Variants in WEE1 observed in about 807,000 individuals in gnomAD.
WEE1 encodes the protein WEE1 G2 checkpoint kinase.
WEE1 carries 16 observed loss-of-function variants against 68.8 expected under a neutral mutation model. The ratio of observed to expected loss-of-function variants is 0.23; its 90% confidence interval spans 0.16 to 0.35. WEE1 has a LOEUF of 0.35. Ranked by LOEUF, WEE1 falls within the 10% of genes least tolerant of loss-of-function variation. The pLI, the probability that WEE1 is intolerant of heterozygous loss-of-function variation, is 1.00. For missense variants in WEE1, 651 were observed against 824.1 expected (o/e 0.79, Z 2.57); for synonymous variants, 349 against 318.7 (o/e 1.09, Z -1.01).
chr11:9,585,731 A>G (rs1849692912), intron 8 of WEE1, among the ~76,000 whole-genome samples: 2 of 152,244 alleles, frequency 1.3e-5, no homozygotes, highest in Non-Finnish European at 2.9e-5. Context: ...ATGTTCTCAT[A>G]CACCACTGGT....
intron 8 of WEE1, 140 bp from the exon 9 acceptor site, chr11:9,586,309 T>C: frequency 1.4e-6 from 1 of 692,126 alleles, no homozygotes; most frequent in Non-Finnish European, 2.3e-6. Context: ...CAGTTTATTC[T>C]CTGAATAGGT....
chr11:9,577,420 C>A, intron 5 of WEE1, 157 bp downstream of exon 5: 2 of 886,294 alleles, frequency 2.3e-6, no homozygotes, highest in Non-Finnish European at 3.4e-6. Context: ...GGTTAAAAAC[C>A]TTGTCCTTTC....
At chr11:9,581,378 A>G (rs1219008377) in intron 5 of WEE1, 154 bp from the exon 6 acceptor site, 1 of 636,800 alleles carries the variant, frequency 1.6e-6, no homozygotes, top group Non-Finnish European at 2.6e-6. Flanking sequence ...AAAAAACAAT[A>G]AAATTTTGAT....
At chr11:9,578,719 A>G (rs1190533128) in intron 5 of WEE1, 5 of 152,156 alleles carry the variant, frequency 3.3e-5, no homozygotes, top group Non-Finnish European at 7.3e-5. Flanking sequence ...TCAAATATGT[A>G]GCAACCTACC....
chr11:9,582,756 C>T (rs1294699281), intron 6 of WEE1, among the ~76,000 whole-genome samples: 2 of 151,932 alleles, frequency 1.3e-5, no homozygotes, highest in African/African-American at 2.4e-5. Context: ...TTAGTAGAGA[C>T]GGGTTTCACC....
In WEE1 at chr11:9,576,138, T is replaced by C. The variant is rs1849562632; in HGVS notation, c.782+45T>C. On this transcript the variant is annotated intron_variant, in intron 2 of 10. Coordinates refer to ENST00000450114, the MANE Select transcript of WEE1 (RefSeq NM_003390.4). The surrounding 1 kb of genome is among the most constrained non-coding windows in gnomAD (Gnocchi z 4.3). ...GTTTGGTTCTCCAAATAACCTAAGATTGGTTTGGTATACTTATCAAAATTT... is the reference window on the plus strand; with the variant it reads ...GTTTGGTTCTCCAAATAACCTAAGACTGGTTTGGTATACTTATCAAAATTT... 1 of 1,611,580 alleles carries C rather than the reference T, an allele frequency of 6.2e-7. No individual in the cohort carries two copies. The highest frequency in any genetic ancestry group is 8.5e-7 in the Non-Finnish European group (1 of 1,178,122).
Position 9,589,131 on chromosome 11 carries a change from A to G in WEE1, c.*529A>G. On this transcript the variant is annotated 3_prime_UTR_variant, in exon 11 of 11. Transcript: ENST00000450114. ...CATGGGATGATGATTCTGTGGAGGTATTGCCTTGTGAATTTGCTGCTATTT... is the reference window on the plus strand; with the variant it reads ...CATGGGATGATGATTCTGTGGAGGTGTTGCCTTGTGAATTTGCTGCTATTT... The G allele has an allele frequency of 1.0e-6, 1 of 985,702 alleles. No homozygotes were observed. Among genetic ancestry groups the G allele is most frequent in the Middle Eastern group, 5.2e-4 (1 of 1,914 alleles). 61.1% of individuals were successfully genotyped at this position (985,702 alleles called of 1,614,324 possible).
intron 6 of WEE1, 183 bp from the exon 7 acceptor site, chr11:9,585,075 A>G: frequency 1.7e-6 from 1 of 584,460 alleles, no homozygotes; most frequent in Non-Finnish European, 3.0e-6. Flanking sequence ...AAAAAAACAA[A>G]AAAAATTCCC....
At chr11:9,575,481 C>T in intron 1 of WEE1, 1 of 905,042 alleles carries the variant, frequency 1.1e-6, no homozygotes, top group Non-Finnish European at 1.4e-6. Context: ...CAAAATCCCT[C>T]TGGAAGTGAG....
At chr11:9,579,837 C>T (rs1849605368) in intron 5 of WEE1, 1 of 152,126 alleles carries the variant, frequency 6.6e-6, no homozygotes, top group South Asian at 2.1e-4. Context: ...TTTAAAAACA[C>T]ATTTGACGTT....
In WEE1 at chr11:9,574,016, C is replaced by T. The variant is rs1470356965; in HGVS notation, c.83C>T (p.Ser28Leu). The T allele has an allele frequency of 2.4e-6, 3 of 1,275,320 alleles. No individual in the cohort carries two copies. The highest frequency in any genetic ancestry group is 8.1e-5 in the Admixed American group (2 of 24,794). 79.0% of individuals were successfully genotyped at this position (1,275,320 alleles called of 1,614,324 possible). Residue 28 changes from serine (S) to leucine (L), a missense_variant, in exon 1 of 11, where the codon TCG (serine) becomes TTG (leucine). Coordinates refer to ENST00000450114, the MANE Select transcript of WEE1 (RefSeq NM_003390.4). This position sits in a 1 kb window ranked among gnomAD's most constrained non-coding sequence, Gnocchi z 4.9. ...ACTLRQKLIF[S>L]PCSDCEEEEE... ...ACCTTGCGGCAGAAGCTGATCTTCT[C>T]GCCCTGCAGCGACTGTGAGGAGGAG... is the stretch of plus-strand genomic sequence containing the variant.
In WEE1 at chr11:9,574,416, A is replaced by G; in HGVS notation, c.483A>G (p.Glu161=). Residue 161 remains glutamate (E), a synonymous_variant, in exon 1 of 11, where the codon GAA becomes GAG. Coordinates refer to ENST00000450114, the MANE Select transcript of WEE1 (RefSeq NM_003390.4). The surrounding 1 kb of genome is among the most constrained non-coding windows in gnomAD (Gnocchi z 4.9). ...GTTGCGGGGCGCGCCGGGCGGGCGA[A>G]GGCCGCCGCTCGCCGCGGCCGGACC... is the stretch of plus-strand genomic sequence containing the variant. ...PRGCGARRAG[E]GRRSPRPDHP... is the part of the protein sequence containing the mutation. 2.5e-6 allele frequency: 3 copies of G among 1,215,916 alleles called. No individual in the cohort carries two copies. The highest frequency in any genetic ancestry group is 3.1e-6 in the Non-Finnish European group (3 of 983,508). 75.3% of individuals were successfully genotyped at this position (1,215,916 alleles called of 1,614,324 possible). A position where few individuals can be genotyped will look rare whatever the true frequency, so the allele number is the denominator to read the frequency against.
At chr11:9,578,652 A>G (rs1849589472) in intron 5 of WEE1, 1 of 152,028 alleles carries the variant, frequency 6.6e-6, no homozygotes, top group African/African-American at 2.4e-5. Context: ...TCTCTTTCTC[A>G]CCTTCTTGAT....
Position 9,588,478 on chromosome 11 carries a change from C to G in WEE1, c.1817C>G (p.Ala606Gly). Residue 606 changes from alanine (A) to glycine (G), a missense_variant, in exon 11 of 11, where the codon GCT (alanine) becomes GGT (glycine). Ala to Gly is a moderately conservative substitution (Grantham distance 60). Transcript: ENST00000450114. ...CTCAAGAAAGCACAGATGGCAAAAG[C>G]TGCAGCTGAGGAAAGAGCACTCTTC... ...KELKKAQMAK[A>G]AAEERALFTD... 6.2e-7 allele frequency: 1 copy of G among 1,602,524 alleles called. No individual in the cohort carries two copies. The highest frequency in any genetic ancestry group is 8.5e-7 in the Non-Finnish European group (1 of 1,177,152).
rs1286013565 is a variant in WEE1, at chr11:9,573,899, G to T, written c.-35G>T. ...AGTGTCCTGGACCCCGCAGGCCTCC[G>T]CTCTCCTGTCCTCGGCCCCGTCCCC... On this transcript the variant is annotated 5_prime_UTR_variant, in exon 1 of 11. Transcript: ENST00000450114. The T allele has an allele frequency of 2.4e-5, 30 of 1,228,878 alleles. No individual in the cohort carries two copies. Among genetic ancestry groups the T allele is most frequent in the East Asian group, 6.5e-5 (2 of 30,608 alleles). The allele number at this position is 1,228,878 out of a possible 1,614,324, so 76.1% of individuals were successfully genotyped here.
Position 9,574,666 on chromosome 11 carries a change from C to T in WEE1, c.576+157C>T. 1.8e-6 allele frequency: 2 copies of T among 1,108,418 alleles called. No individual in the cohort carries two copies. The highest frequency in any genetic ancestry group is 2.2e-6 in the Non-Finnish European group (2 of 910,258). The allele number at this position is 1,108,418 out of a possible 1,614,324, so 68.7% of individuals were successfully genotyped here. On this transcript the variant is annotated intron_variant, in intron 1 of 10. Coordinates refer to ENST00000450114, the MANE Select transcript of WEE1 (RefSeq NM_003390.4). The surrounding 1 kb of genome is among the most constrained non-coding windows in gnomAD (Gnocchi z 4.9). ...GGCAGCCCTTGTGTTTGGCCCTGCCCCGAGGTTGTCCGTTGAGATTATGTA... is the reference window on the plus strand; with the variant it reads ...GGCAGCCCTTGTGTTTGGCCCTGCCTCGAGGTTGTCCGTTGAGATTATGTA...
rs1216431643 is a variant in WEE1 at position 9,573,973 on chromosome 11, CGCGCCGGG to C, written c.44_51del (p.Ala15GlyfsTer17). The C allele has an allele frequency of 3.1e-6, 4 of 1,294,608 alleles. No individual in the cohort carries two copies. The highest frequency in any genetic ancestry group is 2.9e-6 in the Non-Finnish European group (3 of 1,021,046). 80.2% of individuals were successfully genotyped at this position (1,294,608 alleles called of 1,614,324 possible). A position where few individuals can be genotyped will look rare whatever the true frequency, so the allele number is the denominator to read the frequency against. ...CCGACAGCAGCCGCCGCCACCCCGC[CGCGCCGGG>C]GCGGCCTGCACCTTGCGGCAGAAGC... On this transcript the variant is annotated frameshift_variant, in exon 1 of 11. Transcript: ENST00000450114. LOFTEE classifies it high-confidence loss of function.
At chr11:9,586,649 T>C (rs1191630331) in intron 9 of WEE1, 30 bp downstream of exon 9, 2 of 1,613,338 alleles carry the variant, frequency 1.2e-6, no homozygotes, top group Non-Finnish European at 1.7e-6. Flanking sequence ...AGCCCTTTAT[T>C]GACATGGTTC....
chr11:9,589,634 T>A lies in WEE1; in HGVS notation c.*1032T>A. On this transcript the variant is annotated 3_prime_UTR_variant, in exon 11 of 11. Coordinates refer to ENST00000450114, the MANE Select transcript of WEE1 (RefSeq NM_003390.4). ...TTGACTAATAATACTGGCTAACAGA[T>A]GTTGAAAAAAATTGTCTGTTTGTTT... 1 of 981,134 alleles carries A rather than the reference T, an allele frequency of 1.0e-6. No homozygotes were observed. The highest frequency in any genetic ancestry group is 1.2e-6 in the Non-Finnish European group (1 of 828,380). The allele number at this position is 981,134 out of a possible 1,614,324, so 60.8% of individuals were successfully genotyped here.
Sources: allele counts gnomAD v4.1 joint callset (sites outside exome capture counted in the v4.1 genomes callset), GRCh38; gene constraint gnomAD v4.1.1; non-coding constraint Gnocchi (gnomAD v3.1); transcripts MANE v1.5; gene names NCBI Gene and HGNC (gene_info 2026-07-23, HGNC 2026-07-21).